The following ABLIM1 variants were observed in gnomAD, a reference collection of about 807,000 sequenced individuals.
ABLIM1 encodes actin binding LIM protein 1.
A neutral mutation model predicts 107.0 loss-of-function variants in ABLIM1; 40 were observed. That is an observed-to-expected ratio of 0.37 (90% CI 0.29 to 0.49). The LOEUF (loss-of-function observed/expected upper bound fraction) is 0.49. Ranked by LOEUF, ABLIM1 falls within the 20% of genes least tolerant of loss-of-function variation. The probability of loss-of-function intolerance (pLI) is 0.97; values close to 1 mark genes in which losing one functional copy is unlikely to be tolerated. For missense variants in ABLIM1, 857 were observed against 1,008.5 expected (o/e 0.85, Z 2.04); for synonymous variants, 357 against 357.3 (o/e 1.00, Z 0.01).
intron 1 of ABLIM1, among the ~76,000 whole-genome samples, chr10:114,749,701 C>T (rs775244149): frequency 3.9e-5 from 6 of 152,116 alleles, no homozygotes; most frequent in South Asian, 4.1e-4. Context: ...TGCTCCCCCA[C>T]GCCCCACCAT....
chr10:114,666,995 C>A (rs535394991), intron 1 of ABLIM1, among the ~76,000 whole-genome samples: 2 of 152,090 alleles, frequency 1.3e-5, no homozygotes, highest in South Asian at 4.1e-4. Flanking sequence ...ATTTGCAACT[C>A]ATAAAAAGAA....
intron 10 of ABLIM1, among the ~76,000 whole-genome samples, chr10:114,471,188 T>A (rs977205207): frequency 1.3e-5 from 2 of 152,234 alleles, no homozygotes; most frequent in Middle Eastern, 3.2e-3. Flanking sequence ...AGTCACCATG[T>A]CTGGCAGAGT....
At chr10:114,450,085 G>T in intron 14 of ABLIM1, 1 of 397,182 alleles carries the variant, frequency 2.5e-6, no homozygotes, top group Non-Finnish European at 5.1e-6. Context: ...CAAATCAAAT[G>T]CTGAGAATTT....
intron 2 of ABLIM1, among the ~76,000 whole-genome samples, chr10:114,591,501 C>T (rs2074864733): frequency 6.6e-6 from 1 of 151,944 alleles, no homozygotes; most frequent in African/African-American, 2.4e-5. Flanking sequence ...AATCCCTGGG[C>T]CTGAAAGCTG....
At chr10:114,799,030 C>A in the ABLIM1 span, among the ~76,000 whole-genome samples, 20 of 152,230 alleles carry the variant, frequency 1.3e-4, no homozygotes, top group Non-Finnish European at 2.6e-4. Flanking sequence ...AATCTTTTGA[C>A]CTCATGATCT....
chr10:114,583,307 A>G (rs961378726), intron 2 of ABLIM1, among the ~76,000 whole-genome samples: 1 of 150,322 alleles, frequency 6.7e-6, no homozygotes, highest in South Asian at 2.1e-4. Context: ...ACAAGATACC[A>G]TATCACATCA....
chr10:114,714,139 TG>T (rs1342571177), intron 1 of ABLIM1, among the ~76,000 whole-genome samples: 2 of 152,246 alleles, frequency 1.3e-5, no homozygotes, highest in Non-Finnish European at 2.9e-5. Context: ...TTGTTTAGCC[TG>T]GAATTGAATG....
At chr10:114,520,321 T>G (rs892070599) in intron 6 of ABLIM1, among the ~76,000 whole-genome samples, 1 of 152,136 alleles carries the variant, frequency 6.6e-6, no homozygotes, top group Non-Finnish European at 1.5e-5. Context: ...CAAACACCGG[T>G]GTCAAGGCAG....
At chr10:114,467,367 T>G (rs577675562) in intron 11 of ABLIM1, among the ~76,000 whole-genome samples, 1 of 152,318 alleles carries the variant, frequency 6.6e-6, no homozygotes, top group East Asian at 1.9e-4. Flanking sequence ...AAATTTCTAC[T>G]AGCACAATAA....
At chr10:114,559,913 G>C (rs2138246369) in intron 4 of ABLIM1, among the ~76,000 whole-genome samples, 1 of 152,314 alleles carries the variant, frequency 6.6e-6, no homozygotes, top group Middle Eastern at 3.4e-3. Flanking sequence ...AGTAGAGAAA[G>C]GGAAGGATCT....
chr10:114,590,641 C>T (rs570073591), intron 2 of ABLIM1, among the ~76,000 whole-genome samples: 1 of 152,246 alleles, frequency 6.6e-6, no homozygotes, highest in East Asian at 1.9e-4. Context: ...AAGCCTGTCA[C>T]TGATGCTGAG....
At chr10:114,501,564 C>T (rs373577851) in intron 6 of ABLIM1, among the ~76,000 whole-genome samples, 4 of 152,304 alleles carry the variant, frequency 2.6e-5, no homozygotes, top group African/African-American at 9.6e-5. Context: ...CCTTCCCATT[C>T]CCAACTATTA....
chr10:114,690,301 T>A, intron 1 of ABLIM1: 1 of 1,588,310 alleles, frequency 6.3e-7, no homozygotes. Context: ...GCAGTGCAGA[T>A]GAAAAACTGG....
chr10:114,449,062 T>C (rs1045872595), intron 14 of ABLIM1, among the ~76,000 whole-genome samples: 2 of 152,246 alleles, frequency 1.3e-5, no homozygotes, highest in Admixed American at 6.5e-5. Flanking sequence ...CAAAGGTCTG[T>C]GCACACAAGT....
intron 1 of ABLIM1, among the ~76,000 whole-genome samples, chr10:114,674,058 G>A (rs772104565): frequency 9.9e-5 from 15 of 152,216 alleles, no homozygotes; most frequent in Non-Finnish European, 1.8e-4. Flanking sequence ...GGGAGGCCGA[G>A]GCAGGCAGGT....
chr10:114,753,140 G>C (rs527559307), intron 1 of ABLIM1, among the ~76,000 whole-genome samples: 97 of 152,208 alleles, frequency 6.4e-4, no homozygotes, highest in Non-Finnish European at 1.2e-3. Flanking sequence ...GTATAGAAAT[G>C]GTCTCCCCCT....
intron 6 of ABLIM1, among the ~76,000 whole-genome samples, chr10:114,536,480 T>A (rs1307930970): frequency 2.0e-5 from 3 of 152,044 alleles, no homozygotes; most frequent in Middle Eastern, 3.2e-3. Flanking sequence ...ACTCCCGACC[T>A]CAGGTGATCT....
rs1021927524 is a variant in ABLIM1 at position 114,441,006 on chromosome 10, G to A, written c.2059+11C>T. ...ACGTGGCCATGCTCAGCCTGGCCAT[G>A]GGAGCCTCACCTCGCACTCCCCCGC... is the stretch of plus-strand genomic sequence containing the variant. On this transcript the variant is annotated intron_variant, in intron 19 of 22. Coordinates refer to ENST00000533213, the MANE Select transcript of ABLIM1 (RefSeq NM_002313.7). 9 of 1,582,992 alleles carry A rather than the reference G, an allele frequency of 5.7e-6. No individual in the cohort carries two copies. Among genetic ancestry groups the A allele is most frequent in the East Asian group, 4.6e-5 (2 of 43,752 alleles).
At chr10:114,549,828 T>C (rs1392372519) in intron 4 of ABLIM1, among the ~76,000 whole-genome samples, 1 of 152,072 alleles carries the variant, frequency 6.6e-6, no homozygotes, top group Non-Finnish European at 1.5e-5. Flanking sequence ...ATGTTCAAAA[T>C]AGATCAAGTA....
Sources: allele counts gnomAD v4.1 joint callset (sites outside exome capture counted in the v4.1 genomes callset), GRCh38; gene constraint gnomAD v4.1.1; transcripts MANE v1.5; gene names NCBI Gene and HGNC (gene_info 2026-07-23, HGNC 2026-07-21).